SAG: variants seen among roughly 807,000 people sequenced by gnomAD.
SAG encodes S-arrestin.
A neutral mutation model predicts 55.0 loss-of-function variants in SAG; 45 were observed. The ratio of observed to expected loss-of-function variants is 0.82; its 90% CI spans 0.64 to 1.05. The LOEUF (loss-of-function observed/expected upper bound fraction) is 1.05. SAG is among the 50% of genes least tolerant of loss of function. The pLI is 0.00. For synonymous variants in SAG, 189 were observed against 197.4 expected, an observed-to-expected ratio of 0.96 and a Z score of 0.36; for missense variants, 455 against 512.1, an observed-to-expected ratio of 0.89 and a Z score of 1.08.
chr2:233,321,743 G>A (rs1700385864), intron 5 of SAG, among the ~76,000 whole-genome samples: 1 of 152,106 alleles, frequency 6.6e-6, no homozygotes, highest in South Asian at 2.1e-4. Context: ...ACAGTTAAAA[G>A]AGCTTAAATG....
At chr2:233,310,625 G>A (rs1239852717) in intron 2 of SAG, among the ~76,000 whole-genome samples, 1 of 151,484 alleles carries the variant, frequency 6.6e-6, no homozygotes, top group Non-Finnish European at 1.5e-5. Context: ...TTCTGCCTCG[G>A]CCTCCCTAGT....
At chr2:233,309,121 T>A in intron 1 of SAG, 41 bp from the exon 2 acceptor site, 1 of 1,227,864 alleles carries the variant, frequency 8.1e-7, no homozygotes, top group Non-Finnish European at 1.2e-6. Context: ...AGGATTGTCT[T>A]ACCTTTCTCC....
chr2:233,312,018 C>G (rs574685924), intron 2 of SAG, among the ~76,000 whole-genome samples: 5 of 151,980 alleles, frequency 3.3e-5, no homozygotes, highest in East Asian at 1.9e-4. Flanking sequence ...CCCAGCTACT[C>G]GGGAGGCTGA....
chr2:233,311,301 C>A (rs1382100134), intron 2 of SAG, among the ~76,000 whole-genome samples: 1 of 152,142 alleles, frequency 6.6e-6, no homozygotes, highest in African/African-American at 2.4e-5. Flanking sequence ...GCCCCTGCTC[C>A]TGGCGTCTCA....
At chr2:233,329,088 G>A in intron 8 of SAG, 2 of 237,954 alleles carry the variant, frequency 8.4e-6, no homozygotes, top group Non-Finnish European at 1.6e-5. Flanking sequence ...GCCAAGGCTG[G>A]CTCTGGTTCC....
At chr2:233,325,747 G>A (rs1229627216) in intron 6 of SAG, among the ~76,000 whole-genome samples, 2 of 152,176 alleles carry the variant, frequency 1.3e-5, no homozygotes, top group African/African-American at 4.8e-5. Context: ...GAGAGGAGCA[G>A]GTCTTAGCAC....
chr2:233,316,354 C>T (rs1036787705), intron 3 of SAG, among the ~76,000 whole-genome samples: 34 of 151,614 alleles, frequency 2.2e-4, no homozygotes, highest in African/African-American at 7.5e-4. Context: ...TCTTGTTGGC[C>T]GGGCTGGAGT....
chr2:233,338,069 T>C (rs189217108), intron 11 of SAG, among the ~76,000 whole-genome samples: 1 of 152,342 alleles, frequency 6.6e-6, no homozygotes, highest in East Asian at 1.9e-4. Flanking sequence ...GTGCCAGGTC[T>C]GATGCTGGGT....
chr2:233,344,652 GAGAT>G (rs1010033091), intron 14 of SAG: 2 of 152,130 alleles, frequency 1.3e-5, no homozygotes, highest in Non-Finnish European at 2.9e-5. Flanking sequence ...CTAGAGATAT[GAGAT>G]AGATATGAGA....
At chr2:233,336,946 A>T (rs1160458005) in intron 11 of SAG, among the ~76,000 whole-genome samples, 1 of 152,128 alleles carries the variant, frequency 6.6e-6, no homozygotes, top group African/African-American at 2.4e-5. Flanking sequence ...AAATTAAAAC[A>T]TTAGCTGGGC....
chr2:233,343,562 C>A, intron 14 of SAG: 1 of 597,160 alleles, frequency 1.7e-6, no homozygotes. Flanking sequence ...AACCACTAGA[C>A]TGTCGACTGT....
chr2:233,309,354 C>T (rs758045262), intron 2 of SAG, 90 bp downstream of exon 2: 64 of 1,221,814 alleles, frequency 5.2e-5, no homozygotes, highest in Non-Finnish European at 7.3e-5. Context: ...TGATCAACAT[C>T]AAAACTCTTT....
In SAG at chr2:233,319,142, T is replaced by A. The variant is rs1700304386; in HGVS notation, c.181+347T>A. ...AACTCAGGAGGGTGCCTGGGGTGCC[T>A]AGGACTCAGGAGGACACAAGACCTT... On this transcript the variant is annotated intron_variant, in intron 4 of 15. Coordinates refer to ENST00000409110, the MANE Select transcript of SAG (RefSeq NM_000541.5). This position sits in a 1 kb window ranked among gnomAD's most constrained non-coding sequence, Gnocchi z 4.4. 2.2e-6 allele frequency: 1 copy of A among 455,038 alleles called. No individual in the cohort carries two copies. Among genetic ancestry groups the A allele is most frequent in the African/African-American group, 2.0e-5 (1 of 50,700 alleles). The allele number at this position is 455,038 out of a possible 1,614,324, so 28.2% of individuals were successfully genotyped here. A position where few individuals can be genotyped will look rare whatever the true frequency, so the allele number is the denominator to read the frequency against.
At position 233,342,481 on chromosome 2, in the gene SAG, A is replaced by G. The variant is rs568135447; in HGVS notation, c.1102+155A>G. The G allele has an allele frequency of 1.0e-3, 686 of 683,166 alleles. 3 individuals carry two copies. The African/African-American group carries it at 0.011, about 11-fold the overall frequency. 42.3% of individuals were successfully genotyped at this position (683,166 alleles called of 1,614,324 possible). A position where few individuals can be genotyped will look rare whatever the true frequency, so the allele number is the denominator to read the frequency against. On this transcript the variant is annotated intron_variant, in intron 14 of 15. Coordinates refer to ENST00000409110, the MANE Select transcript of SAG (RefSeq NM_000541.5). ...TCTACAAGGTGAATAGTCTGGGGGG[A>G]AGGGAGGGCCCATCTGTTCAGCGCT...
chr2:233,328,474 A>G lies in SAG; in HGVS notation c.513-4A>G. ...CCTGGCTTGTCTGTGGCTGTTTCCC[A>G]CAGGAGCTCCGTGCGATTACTGATC... On this transcript the variant is annotated splice_region_variant and splice_polypyrimidine_tract_variant and intron_variant, in intron 7 of 15. Transcript: ENST00000409110. 1.2e-6 allele frequency: 2 copies of G among 1,611,252 alleles called. No individual in the cohort carries two copies. The highest frequency in any genetic ancestry group is 1.7e-5 in the Admixed American group (1 of 59,880).
In SAG at chr2:233,319,534, G is replaced by C. The variant is rs1451696783; in HGVS notation, c.181+739G>C. 16 of 976,560 alleles carry C rather than the reference G, an allele frequency of 1.6e-5. No homozygotes were observed. The highest frequency in any genetic ancestry group is 2.0e-5 in the Non-Finnish European group (16 of 819,768). 60.5% of individuals were successfully genotyped at this position (976,560 alleles called of 1,614,324 possible). A position where few individuals can be genotyped will look rare whatever the true frequency, so the allele number is the denominator to read the frequency against. Reference sequence around the variant, plus strand: ...TTGCTACTGGCAACATCAAGGAATTGTTCAGAACCCTGGATGTGCCACTGG... The same window carrying C: ...TTGCTACTGGCAACATCAAGGAATTCTTCAGAACCCTGGATGTGCCACTGG... On this transcript the variant is annotated intron_variant, in intron 4 of 15. Coordinates refer to ENST00000409110, the MANE Select transcript of SAG (RefSeq NM_000541.5). The surrounding 1 kb of genome is among the most constrained non-coding windows in gnomAD (Gnocchi z 4.4).
At chr2:233,338,844 G>A (rs1701015107) in intron 12 of SAG, 91 bp downstream of exon 12, 2 of 1,045,218 alleles carry the variant, frequency 1.9e-6, no homozygotes, top group African/African-American at 3.1e-5. Context: ...GAGACAGAAA[G>A]CAAGGAAAGG....
chr2:233,321,876 T>C (rs1318675077), intron 5 of SAG, among the ~76,000 whole-genome samples: 3 of 152,108 alleles, frequency 2.0e-5, no homozygotes, highest in Non-Finnish European at 4.4e-5. Flanking sequence ...CATAACCTTT[T>C]AGAGACAATA....
At chr2:233,328,712 C>A in intron 8 of SAG, 99 bp downstream of exon 8, 2 of 1,306,146 alleles carry the variant, frequency 1.5e-6, no homozygotes, top group South Asian at 3.1e-5. Context: ...TACATGGGTG[C>A]CTTGCAAGGA....
Sources: allele counts gnomAD v4.1 joint callset (sites outside exome capture counted in the v4.1 genomes callset), GRCh38; gene constraint gnomAD v4.1.1; non-coding constraint Gnocchi (gnomAD v3.1); transcripts MANE v1.5; gene names NCBI Gene and HGNC (gene_info 2026-07-23, HGNC 2026-07-21).